The following MBD5 variants were observed in gnomAD, a reference collection of about 807,000 sequenced individuals.
The protein encoded by MBD5 is methyl-CpG binding domain protein 5, also known as methyl-CpG-binding domain protein 5.
A neutral mutation model predicts 117.3 loss-of-function variants in MBD5; 13 were observed. The ratio of observed to expected loss-of-function variants is 0.11; its 90% CI spans 0.07 to 0.18. The LOEUF (loss-of-function observed/expected upper bound fraction) is 0.18. MBD5 is among the 10% of genes least tolerant of loss of function. The pLI is 1.00. For missense variants in MBD5, 1,879 were observed against 2,093.8 expected (o/e 0.90, Z 2.00); for synonymous variants, 727 against 766.4 (o/e 0.95, Z 0.85).
chr2:148,468,825 G>A lies in MBD5; in HGVS notation c.882G>A (p.Arg294=), dbSNP rs1351497328. 8 of 1,613,698 alleles carry A rather than the reference G, an allele frequency of 5.0e-6. No individual in the cohort carries two copies. Among genetic ancestry groups the A allele is most frequent in the Admixed American group, 1.7e-5 (1 of 59,960 alleles). ...AGTCATCCTGTGCAATGGCTGGAAGGACTAATATACCTCTTTCCCCAACCT... is the reference window on the plus strand; with the variant it reads ...AGTCATCCTGTGCAATGGCTGGAAGAACTAATATACCTCTTTCCCCAACCT... ...PVQSSCAMAG[R]TNIPLSPTLT... Residue 294 remains arginine, a synonymous_variant, in exon 8 of 14, where the codon AGG becomes AGA. Transcript: ENST00000642680.
At chr2:148,392,440 A>G (rs1704594485) in intron 4 of MBD5, among the ~76,000 whole-genome samples, 1 of 152,136 alleles carries the variant, frequency 6.6e-6, no homozygotes, top group Non-Finnish European at 1.5e-5. Flanking sequence ...AGTCTTCTCA[A>G]TCTGATATCT....
intron 4 of MBD5, among the ~76,000 whole-genome samples, chr2:148,445,170 A>T (rs1011376585): frequency 1.3e-5 from 2 of 150,814 alleles, no homozygotes; most frequent in Non-Finnish European, 2.9e-5. Flanking sequence ...AAGTTCTAGG[A>T]TACATGTGCA....
intron 1 of MBD5, among the ~76,000 whole-genome samples, chr2:148,111,837 G>GT (rs1696510065): frequency 6.6e-6 from 1 of 151,976 alleles, no homozygotes; most frequent in African/African-American, 2.4e-5. Context: ...TATATACTAT[G>GT]TTTTTTTCTA....
At chr2:148,022,661 G>C (rs1196355823) in intron 1 of MBD5, among the ~76,000 whole-genome samples, 1 of 152,108 alleles carries the variant, frequency 6.6e-6, no homozygotes, top group African/African-American at 2.4e-5. Context: ...TGTAAATTGA[G>C]ATGAGTTTTT....
rs192943969 is a variant in MBD5, at chr2:148,236,836, T to C, written c.-680+3441T>C. On this transcript the variant is annotated intron_variant, in intron 3 of 13. Transcript: ENST00000642680. ...AATCCCAGGTGGCATCTTCTTCCAA[T>C]TGAAGGCTGTTGTATCTACACTGAA... Among the ~76,000 whole-genome samples the C allele has an allele frequency of 2.8e-4, 43 of 152,254 alleles. 1 individual carries two copies. Among genetic ancestry groups the C allele is most frequent in the Admixed American group, 2.0e-4 (3 of 15,284 alleles).
intron 3 of MBD5, among the ~76,000 whole-genome samples, chr2:148,272,062 A>G (rs1276034169): frequency 6.6e-6 from 1 of 152,116 alleles, no homozygotes; most frequent in Non-Finnish European, 1.5e-5. Flanking sequence ...TGCCTAGCTT[A>G]TTTCACTTAA....
In MBD5 at chr2:148,179,784, C is replaced by G. The variant is rs149952234; in HGVS notation, c.-831+991C>G. Among the ~76,000 whole-genome samples, 1,098 of 152,188 alleles carry G rather than the reference C, an allele frequency of 7.2e-3. 11 individuals are homozygous for G. The highest frequency in any genetic ancestry group is 0.025 in the African/African-American group (1,024 of 41,506). ...TTTAATGTTCCTTGCCAAATGGGGA[C>G]AATGGAAGCCTGGAGAGTATGTGAC... On this transcript the variant is annotated intron_variant, in intron 2 of 13. Transcript: ENST00000642680.
chr2:148,136,351 T>C (rs887899162), intron 1 of MBD5, among the ~76,000 whole-genome samples: 1 of 152,122 alleles, frequency 6.6e-6, no homozygotes, highest in African/African-American at 2.4e-5. Flanking sequence ...ATAGACAAGT[T>C]GTACATAGAT....
At chr2:148,053,667 C>G (rs1457728573) in intron 1 of MBD5, among the ~76,000 whole-genome samples, 6 of 151,956 alleles carry the variant, frequency 3.9e-5, no homozygotes, top group Non-Finnish European at 7.4e-5. Flanking sequence ...TTATTTCACC[C>G]AGTATTATAT....
chr2:148,340,650 A>G (rs1465252388), intron 3 of MBD5, among the ~76,000 whole-genome samples: 4 of 152,098 alleles, frequency 2.6e-5, no homozygotes, highest in Non-Finnish European at 5.9e-5. Context: ...TGATTGAGGG[A>G]GTTGATAAAA....
At chr2:148,318,423 G>T (rs1193110447) in intron 3 of MBD5, among the ~76,000 whole-genome samples, 1 of 151,656 alleles carries the variant, frequency 6.6e-6, no homozygotes, top group East Asian at 1.9e-4. Context: ...TGTTTTCTCT[G>T]TTAATTGTTT....
chr2:148,509,476 AT>A (rs796620369), intron 12 of MBD5, among the ~76,000 whole-genome samples: 4 of 152,294 alleles, frequency 2.6e-5, no homozygotes, highest in African/African-American at 9.6e-5. Flanking sequence ...TAGTTACCTC[AT>A]TTTGGCTTTT....
At chr2:148,443,198 T>G (rs13423152) in intron 4 of MBD5, among the ~76,000 whole-genome samples, 9 of 150,968 alleles carry the variant, frequency 6.0e-5, no homozygotes, top group African/African-American at 2.2e-4. Context: ...AGTGAGATAC[T>G]GTCTCACCCC....
intron 4 of MBD5, among the ~76,000 whole-genome samples, chr2:148,350,501 G>T (rs780390904): frequency 3.9e-5 from 6 of 152,002 alleles, no homozygotes; most frequent in Non-Finnish European, 7.4e-5. Flanking sequence ...GTGGGCAATA[G>T]TTCAGTAAAC....
intron 1 of MBD5, among the ~76,000 whole-genome samples, chr2:148,126,239 TAAA>T (rs10712219): frequency 6.8e-6 from 1 of 147,466 alleles, no homozygotes. Flanking sequence ...CTACTAAAAA[TAAA>T]AAAAAAAAAA....
intron 4 of MBD5, among the ~76,000 whole-genome samples, chr2:148,448,466 T>G (rs967304732): frequency 6.6e-6 from 1 of 151,962 alleles, no homozygotes. Flanking sequence ...AGTAACCTGA[T>G]TTTCAAGGTT....
At chr2:148,413,454 A>G (rs1456445218) in intron 4 of MBD5, among the ~76,000 whole-genome samples, 1 of 150,178 alleles carries the variant, frequency 6.7e-6, no homozygotes, top group Non-Finnish European at 1.5e-5. Context: ...AGCTTTTGGT[A>G]TCAGGATAAT....
At chr2:148,074,973 G>A (rs191949887) in intron 1 of MBD5, among the ~76,000 whole-genome samples, 311 of 152,208 alleles carry the variant, frequency 2.0e-3, no homozygotes, top group African/African-American at 7.1e-3. Flanking sequence ...CATCCTCTGG[G>A]TTTCTGTTAA....
chr2:148,394,032 T>C (rs1704635518), intron 4 of MBD5, among the ~76,000 whole-genome samples: 1 of 152,236 alleles, frequency 6.6e-6, no homozygotes, highest in East Asian at 1.9e-4. Context: ...TACTTTTTAC[T>C]GCTTTATGTT....
Sources: gnomAD v4.1 joint callset for allele counts (sites outside exome capture counted in the v4.1 genomes callset) on GRCh38, gnomAD v4.1.1 for gene constraint, MANE v1.5 for transcripts, NCBI Gene and HGNC (gene_info 2026-07-23, HGNC 2026-07-21) for gene names.